Variants in FGGY observed in about 807,000 individuals in gnomAD.
FGGY encodes the protein FGGY carbohydrate kinase domain containing.
Under a neutral mutation model 71.3 loss-of-function variants are expected in FGGY, and 72 were observed. The observed-to-expected ratio is 1.01, with a 90% CI of 0.84 to 1.23. The LOEUF is 1.23. Ranked by LOEUF, FGGY falls within the 50% of genes most tolerant of loss-of-function variation. The pLI is 0.00. For missense variants in FGGY, 668 were observed against 682.3 expected (o/e 0.98, Z 0.23); for synonymous variants, 251 against 250.3 (o/e 1.00, Z -0.02).
At chr1:59,692,172 T>A (rs918064402) in intron 14 of FGGY, among the ~76,000 whole-genome samples, 11 of 152,248 alleles carry the variant, frequency 7.2e-5, no homozygotes, top group African/African-American at 2.7e-4. Flanking sequence ...AAAATTAGAA[T>A]TGTTGATACA....
chr1:59,609,137 G>A (rs1397977122), intron 9 of FGGY, among the ~76,000 whole-genome samples: 1 of 152,154 alleles, frequency 6.6e-6, no homozygotes, highest in East Asian at 1.9e-4. Flanking sequence ...ACTTGTATGG[G>A]AAAAAAGACA....
chr1:59,487,318 A>G (rs959846122), intron 6 of FGGY, among the ~76,000 whole-genome samples: 2 of 152,118 alleles, frequency 1.3e-5, no homozygotes, highest in Admixed American at 6.5e-5. Context: ...GTGTGTGTCT[A>G]TCTCTGCAAA....
intron 14 of FGGY, among the ~76,000 whole-genome samples, chr1:59,749,978 A>G (rs1284210782): frequency 1.3e-5 from 2 of 152,222 alleles, no homozygotes; most frequent in African/African-American, 2.4e-5. Flanking sequence ...CCTGACTGCT[A>G]TAAGGGGAAC....
chr1:59,475,359 T>C (rs546388591), intron 6 of FGGY, among the ~76,000 whole-genome samples: 1 of 152,270 alleles, frequency 6.6e-6, no homozygotes, highest in East Asian at 1.9e-4. Context: ...GGGGTGCATA[T>C]CCACAGGCAA....
intron 14 of FGGY, among the ~76,000 whole-genome samples, chr1:59,698,504 C>T (rs1215981687): frequency 6.6e-6 from 1 of 152,124 alleles, no homozygotes; most frequent in African/African-American, 2.4e-5. Flanking sequence ...TCTCAATTCC[C>T]CCATGGCCTC....
At chr1:59,375,843 T>C (rs1467401450) in intron 4 of FGGY, among the ~76,000 whole-genome samples, 1 of 151,298 alleles carries the variant, frequency 6.6e-6, no homozygotes, top group Non-Finnish European at 1.5e-5. Flanking sequence ...TGTCGTTATA[T>C]AATGTCTTTA....
At chr1:59,345,496 T>C (rs1450603997) in intron 3 of FGGY, among the ~76,000 whole-genome samples, 2 of 152,104 alleles carry the variant, frequency 1.3e-5, no homozygotes, top group Non-Finnish European at 2.9e-5. Context: ...TTCCAGCTGG[T>C]TTTAAATTCT....
intron 5 of FGGY, among the ~76,000 whole-genome samples, chr1:59,395,685 C>T (rs2061245829): frequency 1.3e-5 from 2 of 152,142 alleles, no homozygotes. Context: ...ACATTAACCC[C>T]TTCAGTCCTC....
intron 12 of FGGY, among the ~76,000 whole-genome samples, chr1:59,666,301 AT>A (rs1465192232): frequency 2.4e-4 from 36 of 152,198 alleles, no homozygotes; most frequent in Admixed American, 2.0e-3. Flanking sequence ...CCACCAAAAA[AT>A]CCTCTTCCTC....
At chr1:59,298,931 G>A (rs1333982951) in intron 1 of FGGY, among the ~76,000 whole-genome samples, 1 of 152,242 alleles carries the variant, frequency 6.6e-6, no homozygotes, top group Non-Finnish European at 1.5e-5. Flanking sequence ...GCCCAGAACT[G>A]TGGTAGTCTC....
intron 5 of FGGY, among the ~76,000 whole-genome samples, chr1:59,408,597 T>G (rs190233037): frequency 3.3e-5 from 5 of 152,380 alleles, no homozygotes; most frequent in African/African-American, 9.6e-5. Flanking sequence ...AATATATATG[T>G]ATATGCAGGC....
At chr1:59,389,541 G>A (rs972229041) in intron 5 of FGGY, among the ~76,000 whole-genome samples, 5 of 152,132 alleles carry the variant, frequency 3.3e-5, no homozygotes, top group Admixed American at 6.5e-5. Context: ...ATGCTGTGGC[G>A]AACATTGGTA....
At chr1:59,601,177 A>G (rs977740478) in intron 8 of FGGY, among the ~76,000 whole-genome samples, 1 of 151,272 alleles carries the variant, frequency 6.6e-6, no homozygotes, top group Non-Finnish European at 1.5e-5. Flanking sequence ...TCAAAACAAA[A>G]CCTCCTGTTC....
At position 59,500,764 on chromosome 1, in the gene FGGY, CA is replaced by C. The variant is rs376215883; in HGVS notation, c.671-11544del. ...CAAAACAATAGCAGAAAACCTTCTT[CA>C]AAGGTAAAATAGTTGGAAATAGAAG... On this transcript the variant is annotated intron_variant, in intron 6 of 15. Transcript: ENST00000303721. Among the ~76,000 whole-genome samples the C allele has an allele frequency of 4.0e-3, 607 of 150,350 alleles. 3 individuals carry two copies. The highest frequency in any genetic ancestry group is 0.014 in the African/African-American group (564 of 40,968).
intron 8 of FGGY, among the ~76,000 whole-genome samples, chr1:59,568,451 A>G (rs2095914093): frequency 3.4e-4 from 2 of 5,872 alleles, no homozygotes; most frequent in South Asian, 5.6e-3. Flanking sequence ...AGCAAATTCT[A>G]TGGTCGGGGG....
chr1:59,697,790 C>T (rs1471207814), intron 14 of FGGY: 3 of 966,134 alleles, frequency 3.1e-6, no homozygotes, highest in African/African-American at 3.5e-5. Flanking sequence ...CCCTCCACAT[C>T]ACCCCCTATT....
intron 7 of FGGY, among the ~76,000 whole-genome samples, chr1:59,540,420 C>G (rs898792459): frequency 4.6e-5 from 7 of 152,160 alleles, no homozygotes; most frequent in African/African-American, 1.7e-4. Flanking sequence ...CAAAATATTG[C>G]TACATGCAGC....
chr1:59,324,718 T>C (rs2047075179), intron 2 of FGGY, among the ~76,000 whole-genome samples: 1 of 152,240 alleles, frequency 6.6e-6, no homozygotes, highest in Non-Finnish European at 1.5e-5. Flanking sequence ...GCTACTGCTC[T>C]CATGCTCTGT....
At chr1:59,456,267 A>T (rs2091681302) in intron 5 of FGGY, among the ~76,000 whole-genome samples, 1 of 152,184 alleles carries the variant, frequency 6.6e-6, no homozygotes. Flanking sequence ...TCTAAATGAT[A>T]AGGAGCCTTT....
Sources: gnomAD v4.1 joint callset for allele counts (sites outside exome capture counted in the v4.1 genomes callset) on GRCh38, gnomAD v4.1.1 for gene constraint, MANE v1.5 for transcripts, NCBI Gene and HGNC (gene_info 2026-07-23, HGNC 2026-07-21) for gene names.